UPK1B: variants seen among roughly 807,000 people sequenced by gnomAD.
UPK1B encodes uroplakin 1B.
In UPK1B, 28 loss-of-function variants were observed where a neutral mutation model predicts 34.2. That is an observed-to-expected ratio of 0.82 (90% CI 0.61 to 1.12). The LOEUF (loss-of-function observed/expected upper bound fraction) is 1.12, where lower values mean the gene tolerates loss of function less well. UPK1B is among the 50% of genes most tolerant of loss of function. The pLI is 0.00. For synonymous variants in UPK1B, 81 were observed against 110.4 expected (o/e 0.73, Z 1.67); for missense variants, 325 against 320.9 (o/e 1.01, Z -0.10).
In UPK1B at chr3:119,190,266, G is replaced by C. The variant is rs1422805874; in HGVS notation, c.292G>C (p.Val98Leu). The C allele has an allele frequency of 2.5e-6, 4 of 1,611,430 alleles. No individual in the cohort carries two copies. Among genetic ancestry groups the C allele is most frequent in the African/African-American group, 2.7e-5 (2 of 74,840 alleles). ...CCAGTATTTCATTCTGATGTTTATAGTATATGCCTTTGAAGTGGCATCTTG... is the reference window on the plus strand; with the variant it reads ...CCAGTATTTCATTCTGATGTTTATACTATATGCCTTTGAAGTGGCATCTTG... The part of the protein sequence containing the change: ...LLAYFILMFI[V>L]YAFEVASCIT... The change falls in exon 4 of 8, where the codon GTA (valine) becomes CTA (leucine). Residue 98 changes from valine to leucine, a missense_variant. Physicochemically the swap from Val to Leu is conservative, Grantham distance 32 (BLOSUM62 1). Coordinates refer to ENST00000264234, the MANE Select transcript of UPK1B (RefSeq NM_006952.4).
At chr3:119,183,686 T>C (rs1437319141) in intron 1 of UPK1B, among the ~76,000 whole-genome samples, 1 of 152,208 alleles carries the variant, frequency 6.6e-6, no homozygotes, top group Non-Finnish European at 1.5e-5. Flanking sequence ...AACTGTAAGA[T>C]ACATTTCTGT....
rs140591646 is a variant in UPK1B at position 119,195,809 on chromosome 3, A to T, written c.648+1411A>T. On this transcript the variant is annotated intron_variant, in intron 6 of 7. Coordinates refer to ENST00000264234, the MANE Select transcript of UPK1B (RefSeq NM_006952.4). ...ATAGTTATACCTTTTTTCCTAGCAC[A>T]TATAATATTTTAGTTATGAGGACAA... 1.2e-4 allele frequency among the ~76,000 whole-genome samples: 19 copies of T among 152,280 alleles called. No individual in the cohort carries two copies. In the East Asian group the frequency reaches 3.7e-3, roughly 29 times the overall value.
intron 6 of UPK1B, among the ~76,000 whole-genome samples, chr3:119,198,684 A>C (rs1048903805): frequency 1.3e-5 from 2 of 152,254 alleles, no homozygotes; most frequent in Non-Finnish European, 2.9e-5. Context: ...TCAAAAAGTA[A>C]CTGCCTCCAA....
chr3:119,188,133 T>C (rs560331412), intron 3 of UPK1B, among the ~76,000 whole-genome samples, 158 bp downstream of exon 3: 37 of 152,244 alleles, frequency 2.4e-4, no homozygotes, highest in African/African-American at 8.9e-4. Flanking sequence ...ATGGTCCACA[T>C]GGAGGCAAAG....
At chr3:119,187,069 T>C (rs578122843) in intron 2 of UPK1B, among the ~76,000 whole-genome samples, 2 of 152,342 alleles carry the variant, frequency 1.3e-5, no homozygotes, top group South Asian at 4.1e-4. Context: ...CCATAGTCAG[T>C]GTCTAAACAC....
At chr3:119,189,038 G>C (rs1023687428) in intron 3 of UPK1B, among the ~76,000 whole-genome samples, 3 of 152,158 alleles carry the variant, frequency 2.0e-5, no homozygotes, top group Admixed American at 1.3e-4. Context: ...TGTTCCTAAA[G>C]ACAAATTCAC....
At chr3:119,181,873 G>C (rs746968993) in intron 1 of UPK1B, among the ~76,000 whole-genome samples, 2 of 152,144 alleles carry the variant, frequency 1.3e-5, no homozygotes, top group Non-Finnish European at 2.9e-5. Context: ...GCAATGGGAG[G>C]AAAGAATGCA....
At chr3:119,202,254 A>G (rs910022520) in intron 7 of UPK1B, among the ~76,000 whole-genome samples, 10 of 152,348 alleles carry the variant, frequency 6.6e-5, no homozygotes, top group Admixed American at 6.5e-4. Context: ...GCTCTTAAGC[A>G]TGCCCATTTC....
intron 3 of UPK1B, among the ~76,000 whole-genome samples, chr3:119,189,339 C>T (rs369502600): frequency 1.3e-4 from 20 of 152,332 alleles, no homozygotes; most frequent in African/African-American, 4.3e-4. Context: ...GCCTCCCATA[C>T]CCAAAGAGGA....
intron 1 of UPK1B, among the ~76,000 whole-genome samples, chr3:119,181,191 G>T (rs984492394): frequency 2.0e-5 from 3 of 152,116 alleles, no homozygotes; most frequent in Non-Finnish European, 4.4e-5. Flanking sequence ...GATGCTCTGT[G>T]AGCCCAGGAT....
chr3:119,179,372 TATATATATATATATATATATATATATTA>T (rs1389027981), intron 1 of UPK1B, among the ~76,000 whole-genome samples: 1 of 89,970 alleles, frequency 1.1e-5, no homozygotes, highest in Non-Finnish European at 2.2e-5. Context: ...TATATATATA[TATATATATATATATATATATATATATTA>T]ATTCTAAGGA....
intron 6 of UPK1B, among the ~76,000 whole-genome samples, chr3:119,195,252 G>A (rs1430468089): frequency 1.3e-5 from 2 of 152,196 alleles, no homozygotes; most frequent in Admixed American, 6.5e-5. Flanking sequence ...AGAACCTCCA[G>A]GTACTTGTAG....
At chr3:119,178,077 A>G (rs2077965889) in intron 1 of UPK1B, among the ~76,000 whole-genome samples, 1 of 139,264 alleles carries the variant, frequency 7.2e-6, no homozygotes, top group African/African-American at 2.6e-5. Context: ...TGACCAGGAC[A>G]CCAAAGGGTT....
At chr3:119,186,621 T>C in intron 1 of UPK1B, 93 bp from the exon 2 acceptor site, 3 of 890,336 alleles carry the variant, frequency 3.4e-6, no homozygotes, top group Non-Finnish European at 3.6e-6. Flanking sequence ...TGGCTTTGGT[T>C]TGGATGCTTT....
intron 1 of UPK1B, among the ~76,000 whole-genome samples, chr3:119,179,336 G>A (rs1442342197): frequency 3.4e-5 from 4 of 118,838 alleles, no homozygotes; most frequent in African/African-American, 1.2e-4. Flanking sequence ...GAGAGAGAGG[G>A]AGAGAGAGAG....
chr3:119,189,763 C>T (rs2078035926), intron 3 of UPK1B, among the ~76,000 whole-genome samples: 1 of 152,284 alleles, frequency 6.6e-6, no homozygotes, highest in African/African-American at 2.4e-5. Context: ...TTCTGAACTC[C>T]GTGATTCTAA....
intron 1 of UPK1B, among the ~76,000 whole-genome samples, chr3:119,186,102 A>G (rs2078016943): frequency 6.6e-6 from 1 of 152,218 alleles, no homozygotes; most frequent in African/African-American, 2.4e-5. Flanking sequence ...CTGGGTTATG[A>G]GAATTAGATG....
At chr3:119,201,547 T>C (rs183279982) in intron 7 of UPK1B, among the ~76,000 whole-genome samples, 290 of 152,260 alleles carry the variant, frequency 1.9e-3, no homozygotes, top group Admixed American at 5.3e-3. Context: ...TTCAATTATT[T>C]CCCATCGAGT....
rs372476492 is a variant in UPK1B at position 119,187,855 on chromosome 3, C to T, written c.150C>T (p.Thr50=). ...QHSLYPLLEA[T]DNDDIYGAAW... is the part of the protein sequence containing the mutation. ...GCCTCTACCCACTGCTTGAAGCCAC[C>T]GACAACGATGACATCTATGGGGCTG... Residue 50 remains threonine, a synonymous_variant, in exon 3 of 8, where the codon ACC becomes ACT. Transcript: ENST00000264234. 1.2e-5 allele frequency: 20 copies of T among 1,614,046 alleles called. No individual in the cohort carries two copies. The highest frequency in any genetic ancestry group is 6.7e-5 in the East Asian group (3 of 44,876).
Sources: allele counts gnomAD v4.1 joint callset (sites outside exome capture counted in the v4.1 genomes callset), GRCh38; gene constraint gnomAD v4.1.1; transcripts MANE v1.5; gene names NCBI Gene and HGNC (gene_info 2026-07-23, HGNC 2026-07-21).